UGDH: variants seen among roughly 807,000 people sequenced by gnomAD.
The protein encoded by UGDH is UDP-glucose 6-dehydrogenase, also known as UDP-Glc dehydrogenase.
In UGDH, 38 loss-of-function variants were observed where a neutral mutation model predicts 50.6. The observed-to-expected ratio is 0.75, with a 90% CI of 0.58 to 0.98. The LOEUF (loss-of-function observed/expected upper bound fraction) is 0.98. UGDH is among the 50% of genes least tolerant of loss of function. The pLI, the probability that UGDH is intolerant of heterozygous loss-of-function variation, is 0.00. For missense variants in UGDH, 465 were observed against 606.2 expected (o/e 0.77, Z 2.45); for synonymous variants, 168 against 199.9 (o/e 0.84, Z 1.35).
intron 2 of UGDH, among the ~76,000 whole-genome samples, chr4:39,516,670 A>T (rs933708492): frequency 6.6e-6 from 1 of 152,204 alleles, no homozygotes; most frequent in Non-Finnish European, 1.5e-5. Flanking sequence ...CTCTTAACAT[A>T]AGTAATTGGA....
chr4:39,523,633 C>T (rs1362183392), intron 1 of UGDH, among the ~76,000 whole-genome samples: 2 of 151,836 alleles, frequency 1.3e-5, no homozygotes, highest in South Asian at 2.1e-4. Flanking sequence ...GACAAAACCC[C>T]ATCTCTACTA....
At chr4:39,520,039 C>A (rs1014712580) in intron 2 of UGDH, among the ~76,000 whole-genome samples, 1 of 151,862 alleles carries the variant, frequency 6.6e-6, no homozygotes, top group African/African-American at 2.4e-5. Context: ...TGATAATAGT[C>A]ATAAAGAAAT....
At chr4:39,515,496 A>AT (rs1361731539) in intron 2 of UGDH, among the ~76,000 whole-genome samples, 1 of 104,714 alleles carries the variant, frequency 9.5e-6, no homozygotes, top group Admixed American at 9.6e-5. Context: ...GAACCCTTTT[A>AT]TTTAAAAAAA....
chr4:39,510,701 C>A lies in UGDH; in HGVS notation c.425G>T (p.Arg142Leu). The A allele has an allele frequency of 1.9e-6, 3 of 1,614,186 alleles. No homozygotes were observed. The highest frequency in any genetic ancestry group is 1.1e-5 in the South Asian group (1 of 91,086). The change falls in exon 4 of 12, where the codon CGC becomes CTC. Residue 142 changes from arginine (R) to leucine (L), a missense_variant. Transcript: ENST00000316423. Reference protein sequence around the residue: ...VPVRAAESIRRIFDANTKPNL... With the variant: ...VPVRAAESIRLIFDANTKPNL... ...GGGTTTTGTGTTTGCATCAAATATGCGACGGATACTTTCTGCTGCCCGCAC... is the reference window on the plus strand; with the variant it reads ...GGGTTTTGTGTTTGCATCAAATATGAGACGGATACTTTCTGCTGCCCGCAC...
intron 1 of UGDH, chr4:39,526,680 G>C (rs1178776684): frequency 2.2e-5 from 4 of 182,810 alleles, no homozygotes; most frequent in African/African-American, 4.7e-5. Context: ...ACACAAACAT[G>C]GTCTCCCGAG....
intron 2 of UGDH, among the ~76,000 whole-genome samples, chr4:39,521,104 A>G (rs1746642408): frequency 6.6e-6 from 1 of 151,228 alleles, no homozygotes; most frequent in Non-Finnish European, 1.5e-5. Flanking sequence ...AACAGGAAAG[A>G]GAAAAAATTA....
At chr4:39,505,536 T>G in intron 8 of UGDH, 82 bp downstream of exon 8, 6 of 1,298,812 alleles carry the variant, frequency 4.6e-6, no homozygotes, top group Non-Finnish European at 6.0e-6. Context: ...ATGTATTTTA[T>G]GTACACCTAC....
At chr4:39,517,720 T>C (rs977699913) in intron 2 of UGDH, among the ~76,000 whole-genome samples, 1 of 152,182 alleles carries the variant, frequency 6.6e-6, no homozygotes, top group Admixed American at 6.5e-5. Flanking sequence ...ATTACCATCA[T>C]GCTGAATTCT....
Position 39,521,335 on chromosome 4 carries a change from T to C in UGDH, c.162+16A>G. ...AGAAAAAAGCATAAAAACAAAGAGA[T>C]GTTTAATATGTTTACCTCATAAATA... On this transcript the variant is annotated intron_variant, in intron 2 of 11. Coordinates refer to ENST00000316423, the MANE Select transcript of UGDH (RefSeq NM_003359.4). 1 of 1,583,914 alleles carries C rather than the reference T, an allele frequency of 6.3e-7. No homozygotes were observed. Among genetic ancestry groups the C allele is most frequent in the Non-Finnish European group, 8.6e-7 (1 of 1,166,120 alleles).
Position 39,500,032 on chromosome 4 carries a change from A to C in UGDH, c.*111T>G. 1.5e-6 allele frequency: 1 copy of C among 657,472 alleles called. No homozygotes were observed. The highest frequency in any genetic ancestry group is 2.5e-6 in the Non-Finnish European group (1 of 401,388). The allele number at this position is 657,472 out of a possible 1,614,324, so 40.7% of individuals were successfully genotyped here. A position where few individuals can be genotyped will look rare whatever the true frequency, so the allele number is the denominator to read the frequency against. On this transcript the variant is annotated 3_prime_UTR_variant, in exon 12 of 12. Transcript: ENST00000316423. Reference sequence around the variant, plus strand: ...GCAACAGTGAGACTCTGTCTCAAAAAAAAAACAAAAAAAAACACTTGGTTC... The same window carrying C: ...GCAACAGTGAGACTCTGTCTCAAAACAAAAACAAAAAAAAACACTTGGTTC...
At chr4:39,512,611 A>G (rs745593919) in intron 3 of UGDH, among the ~76,000 whole-genome samples, 7 of 152,136 alleles carry the variant, frequency 4.6e-5, no homozygotes, top group African/African-American at 7.2e-5. Context: ...AAATTATTCT[A>G]TTACCATTCT....
At position 39,499,901 on chromosome 4, in the gene UGDH, G is replaced by A. The variant is rs1294904360; in HGVS notation, c.*242C>T. The A allele has an allele frequency of 1.4e-5, 4 of 291,906 alleles. No homozygotes were observed. In the East Asian group the frequency reaches 2.4e-4, roughly 17 times the overall value. 18.1% of individuals were successfully genotyped at this position (291,906 alleles called of 1,614,324 possible). A position where few individuals can be genotyped will look rare whatever the true frequency, so the allele number is the denominator to read the frequency against. ...AAAAATTAGCCAGGCACTGTGGCGG[G>A]TGCCTGTAGTCCCAGCTACTTGGGA... On this transcript the variant is annotated 3_prime_UTR_variant, in exon 12 of 12. Transcript: ENST00000316423.
intron 6 of UGDH, among the ~76,000 whole-genome samples, chr4:39,509,055 GCCTT>G: frequency 6.7e-6 from 1 of 150,324 alleles, no homozygotes; most frequent in Non-Finnish European, 1.5e-5. Flanking sequence ...GCTCACTGCA[GCCTT>G]GACCTCCTGG....
At chr4:39,516,228 G>T (rs1237988100) in intron 2 of UGDH, among the ~76,000 whole-genome samples, 1 of 152,134 alleles carries the variant, frequency 6.6e-6, no homozygotes, top group Non-Finnish European at 1.5e-5. Context: ...AGGTTGCAGT[G>T]AGCCAAGATC....
intron 9 of UGDH, 136 bp from the exon 10 acceptor site, chr4:39,504,644 T>C (rs1745959786): frequency 2.7e-6 from 2 of 740,034 alleles, no homozygotes; most frequent in Non-Finnish European, 4.5e-6. Context: ...TACTGAACCC[T>C]ATATATACTT....
In UGDH at chr4:39,503,877, G is replaced by C; in HGVS notation, c.1372C>G (p.Gln458Glu). ...LHNELQTIGF[Q>E]IETIGKKVSS... ...AAACAATCCAGGATCATGATTACCT[G>C]GAAGCCAATGGTTTGTAGTTCATTG... The change falls in exon 11 of 12, where the codon CAG (glutamine) becomes GAG (glutamate). Residue 458 changes from glutamine (Q) to glutamate (E), a missense_variant and splice_region_variant. Gln to Glu is a conservative substitution (Grantham distance 29, BLOSUM62 2). Coordinates refer to ENST00000316423, the MANE Select transcript of UGDH (RefSeq NM_003359.4). The C allele has an allele frequency of 6.2e-7, 1 of 1,613,190 alleles. No homozygotes were observed. The highest frequency in any genetic ancestry group is 8.5e-7 in the Non-Finnish European group (1 of 1,179,628).
chr4:39,521,644 T>G, intron 1 of UGDH, 125 bp from the exon 2 acceptor site: 2 of 776,810 alleles, frequency 2.6e-6, no homozygotes, highest in Non-Finnish European at 3.7e-6. Flanking sequence ...ATTTCCTACA[T>G]TCGCTCTGAG....
At chr4:39,504,638 G>A in intron 9 of UGDH, 130 bp from the exon 10 acceptor site, 1 of 800,872 alleles carries the variant, frequency 1.2e-6, no homozygotes, top group Non-Finnish European at 2.0e-6. Flanking sequence ...GGAGAGTACT[G>A]AACCCTATAT....
At chr4:39,524,411 T>A (rs1343115284) in intron 1 of UGDH, among the ~76,000 whole-genome samples, 2 of 152,150 alleles carry the variant, frequency 1.3e-5, no homozygotes, top group Non-Finnish European at 2.9e-5. Flanking sequence ...CACAAGGGCG[T>A]CTCTTTTTGA....
Sources: allele counts gnomAD v4.1 joint callset (sites outside exome capture counted in the v4.1 genomes callset), GRCh38; gene constraint gnomAD v4.1.1; transcripts MANE v1.5; gene names NCBI Gene and HGNC (gene_info 2026-07-23, HGNC 2026-07-21).